SPAG17: variants seen among roughly 807,000 people sequenced by gnomAD.
SPAG17 encodes the protein sperm associated antigen 17.
In SPAG17, 169 loss-of-function variants were observed where a neutral mutation model predicts 273.6. That is an observed-to-expected ratio of 0.62 (90% CI 0.55 to 0.70). The LOEUF (loss-of-function observed/expected upper bound fraction) is 0.70, where lower values mean the gene tolerates loss of function less well. SPAG17 is among the 30% of genes least tolerant of loss of function. The pLI is 0.00. For synonymous variants in SPAG17, 825 were observed against 873.2 expected (o/e 0.94, Z 0.97); for missense variants, 2,557 against 2,627.8 (o/e 0.97, Z 0.59).
rs760253302 is a variant in SPAG17, at chr1:117,971,989, T to C, written c.6200A>G (p.Asn2067Ser). 2.5e-6 allele frequency: 4 copies of C among 1,614,156 alleles called. No individual in the cohort carries two copies. Among genetic ancestry groups the C allele is most frequent in the Non-Finnish European group, 3.4e-6 (4 of 1,180,002 alleles). Residue 2067 changes from asparagine to serine, a missense_variant, in exon 45 of 49, where the codon AAT becomes AGT. By Grantham distance (46) the Asn-to-Ser change is conservative. Transcript: ENST00000336338. ...CCCAAAAAGGGATGACTTTGCATTA[T>C]TAATGGCAGCAGATGCAACAGAGGA... ...NTSSVASAAI[N>S]NAKSSLFGFH... is the part of the protein sequence containing the mutation.
At chr1:117,963,362 T>C (rs1653358516) in intron 48 of SPAG17, 1 of 152,432 alleles carries the variant, frequency 6.6e-6, no homozygotes, top group South Asian at 2.1e-4. Context: ...TAAACAAATA[T>C]TTTCTTTTTT....
Position 118,081,137 on chromosome 1 carries a change from T to C in SPAG17, c.2173A>G (p.Ser725Gly). Residue 725 changes from serine to glycine, a missense_variant, in exon 15 of 49, where the codon AGC (serine) becomes GGC (glycine). By Grantham distance (56) the Ser-to-Gly change is moderately conservative. Coordinates refer to ENST00000336338, the MANE Select transcript of SPAG17 (RefSeq NM_206996.4). ...TGTTGGGGCTGAGCCTTCATGATGCTCTCCTGCTCTAACAGCTGTCTATTA... is the reference window on the plus strand; with the variant it reads ...TGTTGGGGCTGAGCCTTCATGATGCCCTCCTGCTCTAACAGCTGTCTATTA... ...PDNRQLLEQE[S>G]IMKAQPQHES... 1 of 1,614,022 alleles carries C rather than the reference T, an allele frequency of 6.2e-7. No homozygotes were observed. Among genetic ancestry groups the C allele is most frequent in the Non-Finnish European group, 8.5e-7 (1 of 1,179,992 alleles).
chr1:117,987,938 C>T, intron 39 of SPAG17, 57 bp from the exon 40 acceptor site: 1 of 1,586,422 alleles, frequency 6.3e-7, no homozygotes, highest in South Asian at 1.1e-5. Context: ...AGCTTAAAAA[C>T]AAAACCAAAA....
intron 3 of SPAG17, among the ~76,000 whole-genome samples, chr1:118,131,289 C>G (rs576603193): frequency 6.6e-6 from 1 of 152,182 alleles, no homozygotes; most frequent in Non-Finnish European, 1.5e-5. Context: ...TGCCTCAGAG[C>G]CTTTGCTTTT....
intron 4 of SPAG17, among the ~76,000 whole-genome samples, chr1:118,112,524 CA>C (rs1253010649): frequency 1.3e-5 from 2 of 151,830 alleles, no homozygotes; most frequent in African/African-American, 4.8e-5. Flanking sequence ...ATAATAAAAT[CA>C]AACTAATTTA....
At chr1:117,957,173 C>T in intron 48 of SPAG17, 1 of 1,611,608 alleles carries the variant, frequency 6.2e-7, no homozygotes, top group Non-Finnish European at 8.5e-7. Flanking sequence ...AACTTATATG[C>T]CGGTGCCTCT....
intron 18 of SPAG17, among the ~76,000 whole-genome samples, chr1:118,064,158 C>T (rs1652679924): frequency 6.6e-6 from 1 of 152,116 alleles, no homozygotes; most frequent in Non-Finnish European, 1.5e-5. Flanking sequence ...CTAGTTCAAC[C>T]ATTGTGGAAG....
intron 48 of SPAG17, chr1:117,962,378 A>G (rs1344965641): frequency 3.3e-5 from 5 of 152,208 alleles, no homozygotes; most frequent in Non-Finnish European, 7.3e-5. Context: ...CATTGGCTGT[A>G]TATAATCCTT....
At chr1:118,125,245 A>ATATATTTTTTTT (rs146004766) in intron 3 of SPAG17, among the ~76,000 whole-genome samples, 10 of 150,750 alleles carry the variant, frequency 6.6e-5, no homozygotes, top group African/African-American at 2.5e-4. Flanking sequence ...ATATATATAT[A>ATATATTTTTTTT]TTTTTGACAT....
chr1:118,080,417 CAG>C (rs1258225652), intron 15 of SPAG17, among the ~76,000 whole-genome samples: 4 of 152,080 alleles, frequency 2.6e-5, no homozygotes, highest in Admixed American at 2.6e-4. Context: ...GGCTAGAACA[CAG>C]AGTGTGTGAG....
chr1:118,070,832 A>T (rs550315368), intron 17 of SPAG17, among the ~76,000 whole-genome samples: 3 of 152,334 alleles, frequency 2.0e-5, no homozygotes, highest in African/African-American at 7.2e-5. Context: ...TGTATAGCAC[A>T]GTTATTGCAC....
chr1:117,973,049 T>C lies in SPAG17; in HGVS notation c.6141+376A>G, dbSNP rs145775326. ...ATTCCTTTAGCCAGTAGTAGTATGC[T>C]GGTAAACTGGCTCTCTGAAAACAAT... On this transcript the variant is annotated intron_variant, in intron 44 of 48. Coordinates refer to ENST00000336338, the MANE Select transcript of SPAG17 (RefSeq NM_206996.4). Among the ~76,000 whole-genome samples, 1,252 of 152,332 alleles carry C rather than the reference T, an allele frequency of 8.2e-3. 13 individuals carry two copies. The highest frequency in any genetic ancestry group is 0.013 in the Non-Finnish European group (890 of 68,024).
intron 48 of SPAG17, among the ~76,000 whole-genome samples, chr1:117,958,465 G>C (rs1297377907): frequency 6.6e-6 from 1 of 152,208 alleles, no homozygotes; most frequent in Non-Finnish European, 1.5e-5. Flanking sequence ...GACAGGTATG[G>C]TAGGGTCATC....
intron 43 of SPAG17, among the ~76,000 whole-genome samples, chr1:117,976,864 A>G (rs1052238954): frequency 6.6e-6 from 1 of 152,040 alleles, no homozygotes; most frequent in Admixed American, 6.6e-5. Context: ...CCCATGTTTT[A>G]TTTTGCAAGT....
At chr1:118,072,540 TACTC>T (rs1653707305) in intron 17 of SPAG17, among the ~76,000 whole-genome samples, 1 of 152,182 alleles carries the variant, frequency 6.6e-6, no homozygotes, top group African/African-American at 2.4e-5. Context: ...TTGAGTGACT[TACTC>T]AGTAGTAGAG....
intron 3 of SPAG17, among the ~76,000 whole-genome samples, chr1:118,145,728 T>G (rs1658945200): frequency 6.6e-6 from 1 of 152,010 alleles, no homozygotes; most frequent in Admixed American, 6.6e-5. Context: ...AAAAAAAAAT[T>G]AATAATTATT....
At chr1:118,060,782 G>T (rs1332133320) in intron 18 of SPAG17, among the ~76,000 whole-genome samples, 1 of 152,122 alleles carries the variant, frequency 6.6e-6, no homozygotes, top group East Asian at 1.9e-4. Context: ...GGCTACATTT[G>T]CTGGGTACAG....
intron 13 of SPAG17, among the ~76,000 whole-genome samples, chr1:118,085,705 T>C (rs1654942618): frequency 6.6e-6 from 1 of 152,132 alleles, no homozygotes; most frequent in Non-Finnish European, 1.5e-5. Context: ...AAAACCCCAG[T>C]GTATCAAATT....
chr1:118,140,460 A>T (rs1012166149), intron 3 of SPAG17, among the ~76,000 whole-genome samples: 3 of 152,148 alleles, frequency 2.0e-5, no homozygotes, highest in African/African-American at 7.2e-5. Flanking sequence ...TTACCCCATA[A>T]ATGTATTCAA....
Sources: allele counts gnomAD v4.1 joint callset (sites outside exome capture counted in the v4.1 genomes callset), GRCh38; gene constraint gnomAD v4.1.1; transcripts MANE v1.5; gene names NCBI Gene and HGNC (gene_info 2026-07-23, HGNC 2026-07-21).